The following HSF2 variants were observed in gnomAD, a reference collection of about 807,000 sequenced individuals.
HSF2 encodes the protein heat shock transcription factor 2.
HSF2 carries 21 observed loss-of-function variants against 65.0 expected under a neutral mutation model. The observed-to-expected ratio is 0.32, with a 90% CI of 0.23 to 0.47. The LOEUF (loss-of-function observed/expected upper bound fraction) is 0.47. HSF2 is among the 20% of genes least tolerant of loss of function. The pLI is 1.00. For missense variants in HSF2, 499 were observed against 628.1 expected (o/e 0.79, Z 2.20); for synonymous variants, 225 against 219.1 (o/e 1.03, Z -0.24).
At chr6:122,406,627 A>G (rs960442052) in intron 1 of HSF2, among the ~76,000 whole-genome samples, 1 of 152,226 alleles carries the variant, frequency 6.6e-6, no homozygotes, top group Non-Finnish European at 1.5e-5. Context: ...TTGCTGATAA[A>G]TTGATAAATT....
intron 11 of HSF2, among the ~76,000 whole-genome samples, chr6:122,429,389 A>G (rs749641955): frequency 2.1e-4 from 32 of 152,224 alleles, no homozygotes; most frequent in Middle Eastern, 6.8e-3. Flanking sequence ...TTGCTCTACA[A>G]TGCTGTAGAA....
At chr6:122,403,956 A>G (rs1773802401) in intron 1 of HSF2, among the ~76,000 whole-genome samples, 1 of 152,258 alleles carries the variant, frequency 6.6e-6, no homozygotes. Flanking sequence ...ATGAAATGTT[A>G]CAACCAACGT....
In HSF2 at chr6:122,431,961, T is replaced by C; in HGVS notation, c.1352T>C (p.Leu451Pro). Reference protein sequence around the residue: ...QLIQYTAFPLLAFLDGNPASS... With the variant: ...QLIQYTAFPLPAFLDGNPASS... ...ATCCAGTATACCGCCTTTCCACTTC[T>C]TGCATTCCTCGATGGGAACCCTGCT... Residue 451 changes from leucine to proline, a missense_variant, in exon 13 of 13, where the codon CTT (leucine) becomes CCT (proline). Transcript: ENST00000368455. 1 of 1,614,044 alleles carries C rather than the reference T, an allele frequency of 6.2e-7. No individual in the cohort carries two copies. The highest frequency in any genetic ancestry group is 8.5e-7 in the Non-Finnish European group (1 of 1,179,938).
chr6:122,426,068 T>C (rs1774333333), intron 10 of HSF2, among the ~76,000 whole-genome samples: 1 of 152,112 alleles, frequency 6.6e-6, no homozygotes, highest in South Asian at 2.1e-4. Context: ...TCCAGTTTTC[T>C]AAAATAGCAT....
intron 11 of HSF2, among the ~76,000 whole-genome samples, chr6:122,428,819 A>G (rs781385942): frequency 8.5e-5 from 13 of 152,078 alleles, no homozygotes; most frequent in South Asian, 2.1e-4. Flanking sequence ...CAGACTGTCT[A>G]TATCTTCAAA....
At chr6:122,405,904 G>T (rs1260353807) in intron 1 of HSF2, among the ~76,000 whole-genome samples, 1 of 152,168 alleles carries the variant, frequency 6.6e-6, no homozygotes, top group African/African-American at 2.4e-5. Flanking sequence ...TCTTGTTAGA[G>T]ATACTCTGCT....
intron 4 of HSF2, among the ~76,000 whole-genome samples, chr6:122,414,050 CTT>C (rs1486948103): frequency 1.5e-4 from 23 of 152,096 alleles, no homozygotes; most frequent in African/African-American, 5.3e-4. Context: ...ATGGCTGTCT[CTT>C]AAGATTTCTT....
chr6:122,404,361 G>A (rs1399678365), intron 1 of HSF2, among the ~76,000 whole-genome samples: 1 of 152,118 alleles, frequency 6.6e-6, no homozygotes, highest in Non-Finnish European at 1.5e-5. Flanking sequence ...TGGGAGGATG[G>A]GGGTAAAATC....
intron 11 of HSF2, among the ~76,000 whole-genome samples, chr6:122,429,772 G>A (rs1774420483): frequency 6.6e-6 from 1 of 152,098 alleles, no homozygotes; most frequent in African/African-American, 2.4e-5. Context: ...TAATCATGTG[G>A]TTTTTGTCAT....
chr6:122,416,374 T>G, intron 5 of HSF2, 78 bp downstream of exon 5: 1 of 843,050 alleles, frequency 1.2e-6, no homozygotes, highest in Non-Finnish European at 2.0e-6. Flanking sequence ...AGGTCTTTAT[T>G]GAGTGTCTGT....
intron 1 of HSF2, among the ~76,000 whole-genome samples, chr6:122,400,160 G>C (rs1023458314): frequency 6.6e-6 from 1 of 152,164 alleles, no homozygotes; most frequent in Non-Finnish European, 1.5e-5. Context: ...GAGGGCGCGG[G>C]AGCCTCTTTA....
At chr6:122,400,247 G>C (rs1773696622) in intron 1 of HSF2, among the ~76,000 whole-genome samples, 2 of 152,158 alleles carry the variant, frequency 1.3e-5, no homozygotes, top group African/African-American at 4.8e-5. Context: ...CCAGGGCCAG[G>C]ATCATCAACG....
chr6:122,401,715 G>A (rs576052965), intron 1 of HSF2, among the ~76,000 whole-genome samples: 2 of 152,186 alleles, frequency 1.3e-5, no homozygotes, highest in Non-Finnish European at 2.9e-5. Flanking sequence ...TGAGATCACT[G>A]TGCCAGAGAC....
intron 11 of HSF2, among the ~76,000 whole-genome samples, chr6:122,430,143 T>C (rs567327607): frequency 6.6e-6 from 1 of 152,304 alleles, no homozygotes; most frequent in African/African-American, 2.4e-5. Flanking sequence ...GTCCTGGCTT[T>C]TTTTGGTTGG....
intron 5 of HSF2, among the ~76,000 whole-genome samples, chr6:122,418,677 G>T (rs45455698): frequency 6.6e-6 from 1 of 151,960 alleles, no homozygotes; most frequent in African/African-American, 2.4e-5. Context: ...TCACGATGTT[G>T]CCCAGGCTGG....
chr6:122,418,895 G>A lies in HSF2; in HGVS notation c.532-273G>A, dbSNP rs568669761. On this transcript the variant is annotated intron_variant, in intron 5 of 12. Coordinates refer to ENST00000368455, the MANE Select transcript of HSF2 (RefSeq NM_004506.4). ...AAACACCAGTTTTCTCTTTTGCACC[G>A]TAGTGTAATCTTCAAAGTACTTGAA... Among the ~76,000 whole-genome samples, 10 of 152,266 alleles carry A rather than the reference G, an allele frequency of 6.6e-5. No individual in the cohort carries two copies. In the East Asian group the frequency reaches 9.6e-4, roughly 15 times the overall value.
chr6:122,402,562 G>GTT (rs528958889), intron 1 of HSF2, among the ~76,000 whole-genome samples: 1 of 144,396 alleles, frequency 6.9e-6, no homozygotes. Context: ...TATCATATTC[G>GTT]TTTTTTTTTT....
At chr6:122,416,643 T>G (rs1010055861) in intron 5 of HSF2, among the ~76,000 whole-genome samples, 17 of 151,964 alleles carry the variant, frequency 1.1e-4, no homozygotes, top group East Asian at 7.7e-4. Context: ...GCCTTACTGG[T>G]TTTTTTTGTT....
Position 122,422,029 on chromosome 6 carries a change from A to C in HSF2, c.682-121A>C, listed in dbSNP as rs889305516. ...TAAGTTCCGTAAGAGCAGAGAACAC[A>C]CCTGTTTTGCATACCCCGAGATTCA... is the stretch of plus-strand genomic sequence containing the variant. On this transcript the variant is annotated intron_variant, in intron 7 of 12. Transcript: ENST00000368455. 1.5e-5 allele frequency: 10 copies of C among 660,478 alleles called. No homozygotes were observed. The African/African-American group carries it at 1.8e-4, about 12-fold the overall frequency. 40.9% of individuals were successfully genotyped at this position (660,478 alleles called of 1,614,324 possible). A position where few individuals can be genotyped will look rare whatever the true frequency, so the allele number is the denominator to read the frequency against.
Sources: gnomAD v4.1 joint callset for allele counts (sites outside exome capture counted in the v4.1 genomes callset) on GRCh38, gnomAD v4.1.1 for gene constraint, MANE v1.5 for transcripts, NCBI Gene and HGNC (gene_info 2026-07-23, HGNC 2026-07-21) for gene names.